Variants in NBAS observed in about 807,000 individuals in gnomAD.
NBAS encodes NAG/BC035112 fusion.
NBAS carries 219 observed loss-of-function variants against 302.5 expected under a neutral mutation model. The ratio of observed to expected loss-of-function variants is 0.72; its 90% CI spans 0.65 to 0.81. NBAS has a LOEUF of 0.81. Among genes scored for constraint, NBAS ranks in the 30% least tolerant of loss-of-function variants. NBAS has a pLI of 0.00. For missense variants in NBAS, 2,932 were observed against 2,841.6 expected (o/e 1.03, Z -0.72); for synonymous variants, 1,118 against 1,021.6 (o/e 1.09, Z -1.80).
chr2:15,458,433 G>A (rs1679346711), intron 21 of NBAS, among the ~76,000 whole-genome samples: 1 of 152,164 alleles, frequency 6.6e-6, no homozygotes. Context: ...CCTCATTAGT[G>A]GTTCAGCACC....
the NBAS span, among the ~76,000 whole-genome samples, chr2:14,876,283 G>T: frequency 6.2e-4 from 95 of 152,250 alleles, 1 homozygote; most frequent in East Asian, 0.017. Context: ...CCAAAATTTA[G>T]GGATTGTGGA....
At chr2:14,867,490 T>A in the NBAS span, among the ~76,000 whole-genome samples, 1 of 152,262 alleles carries the variant, frequency 6.6e-6, no homozygotes, top group East Asian at 1.9e-4. Flanking sequence ...TTTGGCAAGG[T>A]CTGTATTTTA....
chr2:15,007,043 A>G, the NBAS span, among the ~76,000 whole-genome samples: 1 of 152,314 alleles, frequency 6.6e-6, no homozygotes, highest in South Asian at 2.1e-4. Context: ...TTAAGTCAGG[A>G]ATTCTTAACC....
At chr2:15,010,949 T>C in the NBAS span, among the ~76,000 whole-genome samples, 1 of 152,332 alleles carries the variant, frequency 6.6e-6, no homozygotes, top group East Asian at 1.9e-4. Context: ...ATAAATAATG[T>C]CAGCTTTTTT....
chr2:15,314,429 A>AT (rs1177198133), intron 38 of NBAS, among the ~76,000 whole-genome samples: 1 of 152,226 alleles, frequency 6.6e-6, no homozygotes, highest in Non-Finnish European at 1.5e-5. Context: ...CCTAAAGCCA[A>AT]TAAAAACTGG....
intron 44 of NBAS, among the ~76,000 whole-genome samples, chr2:15,245,969 T>C (rs927686353): frequency 3.9e-5 from 6 of 152,196 alleles, no homozygotes; most frequent in South Asian, 2.1e-4. Context: ...TGGGCCATCA[T>C]TTTCTGATCT....
chr2:14,839,309 G>A, the NBAS span, among the ~76,000 whole-genome samples: 1 of 150,192 alleles, frequency 6.7e-6, no homozygotes, highest in Admixed American at 6.6e-5. Flanking sequence ...CCAACTCAGG[G>A]TTTTTACATT....
the NBAS span, among the ~76,000 whole-genome samples, chr2:14,935,925 C>T: frequency 8.6e-3 from 1,309 of 152,296 alleles, 20 homozygotes; most frequent in African/African-American, 0.03. Flanking sequence ...AGGTGCCAAA[C>T]CAGAGTATGG....
Position 15,342,308 on chromosome 2 carries a change from CA to C in NBAS, c.4179+9683del, listed in dbSNP as rs888942867. 5.9e-5 allele frequency among the ~76,000 whole-genome samples: 9 copies of C among 151,862 alleles called. No homozygotes were observed. In the South Asian group the frequency reaches 1.7e-3, roughly 28 times the overall value. ...CAATAAATAAATAAAATAAATAAAT[CA>C]AAAAAATAAATAAATCAAACAATAA... On this transcript the variant is annotated intron_variant, in intron 35 of 51. Coordinates refer to ENST00000281513, the MANE Select transcript of NBAS (RefSeq NM_015909.4).
the NBAS span, among the ~76,000 whole-genome samples, chr2:14,809,599 G>T: frequency 6.6e-6 from 1 of 152,194 alleles, no homozygotes; most frequent in Non-Finnish European, 1.5e-5. Context: ...TGCTGCAGGG[G>T]CAGGGCCCTA....
At chr2:15,447,206 T>C (rs1204132501) in intron 21 of NBAS, among the ~76,000 whole-genome samples, 1 of 152,232 alleles carries the variant, frequency 6.6e-6, no homozygotes, top group Non-Finnish European at 1.5e-5. Flanking sequence ...AGTCCCAGCA[T>C]GCCAATTAAA....
the NBAS span, among the ~76,000 whole-genome samples, chr2:14,893,439 T>G: frequency 1.3e-5 from 2 of 152,224 alleles, no homozygotes; most frequent in African/African-American, 4.8e-5. Context: ...AAGATGGATT[T>G]CTTTCTTTTT....
intron 48 of NBAS, among the ~76,000 whole-genome samples, chr2:15,205,071 T>C (rs1321382479): frequency 6.6e-6 from 1 of 151,760 alleles, no homozygotes; most frequent in Non-Finnish European, 1.5e-5. Flanking sequence ...AAGATATAAA[T>C]AGAATAAAAC....
At chr2:15,244,515 T>C (rs1422263482) in intron 44 of NBAS, among the ~76,000 whole-genome samples, 3 of 152,166 alleles carry the variant, frequency 2.0e-5, no homozygotes, top group African/African-American at 7.2e-5. Context: ...TGCCTCACAG[T>C]CGTGTCTGCC....
intron 44 of NBAS, 46 bp downstream of exon 44, chr2:15,275,437 AT>A (rs770720069): frequency 6.4e-7 from 1 of 1,551,574 alleles, no homozygotes; most frequent in East Asian, 2.3e-5. Flanking sequence ...AGAAATTTTC[AT>A]TTCTTCTACT....
At chr2:15,073,749 AC>A in the NBAS span, among the ~76,000 whole-genome samples, 1 of 152,116 alleles carries the variant, frequency 6.6e-6, no homozygotes, top group African/African-American at 2.4e-5. Flanking sequence ...ACTCTTTTTT[AC>A]CTAATATTAA....
At chr2:15,087,882 G>A in the NBAS span, among the ~76,000 whole-genome samples, 2 of 152,216 alleles carry the variant, frequency 1.3e-5, no homozygotes, top group African/African-American at 4.8e-5. Flanking sequence ...CCTGTGGCAG[G>A]AACTCAAAGC....
intron 22 of NBAS, among the ~76,000 whole-genome samples, chr2:15,426,767 T>C (rs532994421): frequency 6.6e-6 from 1 of 152,364 alleles, no homozygotes; most frequent in South Asian, 2.1e-4. Context: ...TTCTTGTTCA[T>C]TTGTTCTTCC....
intron 28 of NBAS, among the ~76,000 whole-genome samples, chr2:15,388,304 C>T (rs540760025): frequency 6.6e-6 from 1 of 152,002 alleles, no homozygotes; most frequent in South Asian, 2.1e-4. Context: ...TCCTGCACAT[C>T]TCATGTTAGA....
Sources: gnomAD v4.1 joint callset for allele counts (sites outside exome capture counted in the v4.1 genomes callset) on GRCh38, gnomAD v4.1.1 for gene constraint, MANE v1.5 for transcripts, NCBI Gene and HGNC (gene_info 2026-07-23, HGNC 2026-07-21) for gene names.